Variants in GFM1 observed in about 807,000 individuals in gnomAD.
GFM1 encodes G elongation factor mitochondrial 1.
Under a neutral mutation model 96.2 loss-of-function variants are expected in GFM1, and 62 were observed. That is an observed-to-expected ratio of 0.64 (90% CI 0.53 to 0.80). GFM1 has a LOEUF of 0.80. GFM1 is among the 30% of genes least tolerant of loss of function. GFM1 has a pLI of 0.00. For synonymous variants in GFM1, 282 were observed against 312.9 expected (o/e 0.90, Z 1.04); for missense variants, 852 against 916.6 (o/e 0.93, Z 0.91).
intron 13 of GFM1, among the ~76,000 whole-genome samples, chr3:158,679,576 A>G (rs183397035): frequency 6.6e-6 from 1 of 152,310 alleles, no homozygotes; most frequent in African/African-American, 2.4e-5. Flanking sequence ...AAAGGATGAA[A>G]TGGTTAGTTC....
intron 8 of GFM1, among the ~76,000 whole-genome samples, chr3:158,655,483 C>CA (rs1722673329): frequency 9.3e-6 from 1 of 107,152 alleles, no homozygotes; most frequent in South Asian, 2.9e-4. Flanking sequence ...GACTTCATCT[C>CA]GGAAAAAAAA....
chr3:158,667,385 G>T (rs1484367292), intron 13 of GFM1, among the ~76,000 whole-genome samples: 1 of 152,198 alleles, frequency 6.6e-6, no homozygotes, highest in Non-Finnish European at 1.5e-5. Context: ...ATTTAAGAAT[G>T]CTCTGTGTTT....
In GFM1 at chr3:158,645,216, C is replaced by T. The variant is rs182016927; in HGVS notation, c.82-413C>T. Among the ~76,000 whole-genome samples the T allele has an allele frequency of 4.6e-5, 7 of 152,012 alleles. No homozygotes were observed. In the South Asian group the frequency reaches 6.2e-4, roughly 13 times the overall value. On this transcript the variant is annotated intron_variant, in intron 1 of 17. Transcript: ENST00000486715. Reference sequence around the variant, plus strand: ...CATCACTGCATAGAGCATATAAGTTCTCAAACATATTTGTCATCTGTGAAC... The same window carrying T: ...CATCACTGCATAGAGCATATAAGTTTTCAAACATATTTGTCATCTGTGAAC...
chr3:158,652,078 A>T lies in GFM1; in HGVS notation c.690-18A>T. On this transcript the variant is annotated intron_variant, in intron 5 of 17. Transcript: ENST00000486715. ...TAAGTTGAATATCCTTAAAGCACCAAAATATTTGCTTTCTTAGTCAGATTG... is the reference window on the plus strand; with the variant it reads ...TAAGTTGAATATCCTTAAAGCACCATAATATTTGCTTTCTTAGTCAGATTG... 1.2e-6 allele frequency: 2 copies of T among 1,612,738 alleles called. No individual in the cohort carries two copies. The highest frequency in any genetic ancestry group is 1.7e-6 in the Non-Finnish European group (2 of 1,178,734).
intron 9 of GFM1, 88 bp from the exon 10 acceptor site, chr3:158,660,786 A>G (rs1308948327): frequency 1.9e-6 from 2 of 1,049,734 alleles, no homozygotes; most frequent in Admixed American, 1.7e-5. Context: ...TTTATATACA[A>G]TGTGTGTACT....
Position 158,650,230 on chromosome 3 carries a change from G to T in GFM1, c.689+1073G>T, listed in dbSNP as rs985274424. 22 of 626,212 alleles carry T rather than the reference G, an allele frequency of 3.5e-5. No homozygotes were observed. In the African/African-American group the frequency reaches 3.7e-4, roughly 10 times the overall value. The allele number at this position is 626,212 out of a possible 1,614,324, so 38.8% of individuals were successfully genotyped here. A position where few individuals can be genotyped will look rare whatever the true frequency, so the allele number is the denominator to read the frequency against. On this transcript the variant is annotated intron_variant, in intron 5 of 17. Transcript: ENST00000486715. The stretch of plus-strand genomic sequence containing the variant: ...TACCTACCACTCCTTAGGATATAAG[G>T]CCCAGTAAGGCAGAGTTTTTGTTTT...
intron 4 of GFM1, among the ~76,000 whole-genome samples, chr3:158,647,444 A>T (rs966146): frequency 0.41 from 62,889 of 151,810 alleles, 14,119 homozygotes; most frequent in African/African-American, 0.6. Flanking sequence ...TAGTATTTAT[A>T]GCATTTTAAA....
chr3:158,666,220 C>G, intron 12 of GFM1, 84 bp from the exon 13 acceptor site: 1 of 878,474 alleles, frequency 1.1e-6, no homozygotes, highest in Non-Finnish European at 1.9e-6. Context: ...TAAGTGAATG[C>G]TACTAAGATA....
At chr3:158,646,394 C>A in intron 3 of GFM1, 97 bp downstream of exon 3, 1 of 1,261,698 alleles carries the variant, frequency 7.9e-7, no homozygotes, top group Non-Finnish European at 1.2e-6. Context: ...TTGTCAAATA[C>A]TCAAAAGTGT....
chr3:158,685,531 A>G (rs551295141), intron 15 of GFM1, among the ~76,000 whole-genome samples: 59 of 152,286 alleles, frequency 3.9e-4, no homozygotes, highest in Non-Finnish European at 7.4e-5. Flanking sequence ...GTAGATCAGG[A>G]TTTATTGATT....
At chr3:158,654,092 C>G (rs989037734) in intron 7 of GFM1, among the ~76,000 whole-genome samples, 1 of 150,948 alleles carries the variant, frequency 6.6e-6, no homozygotes, top group Non-Finnish European at 1.5e-5. Flanking sequence ...AAACAAACTG[C>G]AAAAGAAACT....
chr3:158,690,412 T>TCCTTGCTGA lies in GFM1; in HGVS notation c.2070+90_2070+98dup, dbSNP rs925437458. On this transcript the variant is annotated intron_variant, in intron 16 of 17. Coordinates refer to ENST00000486715, the MANE Select transcript of GFM1 (RefSeq NM_024996.7). ...TTTTGTTTTTGCAAATGGACACATTTCCTTGCTGAATTTGTGGCTTTATAC... is the reference window on the plus strand; with the variant it reads ...TTTTGTTTTTGCAAATGGACACATTTCCTTGCTGACCTTGCTGAATTTGTGGCTTTATAC... The TCCTTGCTGA allele has an allele frequency of 1.3e-5, 16 of 1,272,084 alleles. No individual in the cohort carries two copies. The Admixed American group carries it at 2.7e-4, about 21-fold the overall frequency. 78.8% of individuals were successfully genotyped at this position (1,272,084 alleles called of 1,614,324 possible). A position where few individuals can be genotyped will look rare whatever the true frequency, so the allele number is the denominator to read the frequency against.
chr3:158,680,294 A>G (rs921114054), intron 13 of GFM1, among the ~76,000 whole-genome samples: 2 of 152,150 alleles, frequency 1.3e-5, no homozygotes, highest in African/African-American at 4.8e-5. Context: ...CTCATCCCTC[A>G]ACCTCTCCCC....
In GFM1 at chr3:158,658,930, A is replaced by G. The variant is rs370321082; in HGVS notation, c.1092A>G (p.Arg364=). Reference sequence around the variant, plus strand: ...CCAATCTTGACTTCTAGGTAGGTCGATTTGGACAATTAACTTATGTTCGCA... The same window carrying G: ...CCAATCTTGACTTCTAGGTAGGTCGGTTTGGACAATTAACTTATGTTCGCA... The part of the protein sequence containing the change: ...VGLAFKLEVG[R]FGQLTYVRSY... The change falls in exon 9 of 18, where the codon CGA becomes CGG. Residue 364 remains arginine (R), a synonymous_variant. Transcript: ENST00000486715. 1 of 1,614,106 alleles carries G rather than the reference A, an allele frequency of 6.2e-7. No homozygotes were observed. The highest frequency in any genetic ancestry group is 8.5e-7 in the Non-Finnish European group (1 of 1,180,000).
At chr3:158,690,837 G>C (rs1726251340) in intron 16 of GFM1, among the ~76,000 whole-genome samples, 1 of 152,210 alleles carries the variant, frequency 6.6e-6, no homozygotes, top group African/African-American at 2.4e-5. Flanking sequence ...AAGCACTTCT[G>C]AGTGCTTGAG....
intron 15 of GFM1, among the ~76,000 whole-genome samples, chr3:158,686,269 AAT>A (rs1435810646): frequency 6.8e-6 from 1 of 148,076 alleles, no homozygotes; most frequent in African/African-American, 2.4e-5. Context: ...TAAAGTATAA[AAT>A]ATATATAAAC....
At chr3:158,674,479 C>T (rs1374731128) in intron 13 of GFM1, among the ~76,000 whole-genome samples, 1 of 152,124 alleles carries the variant, frequency 6.6e-6, no homozygotes, top group Non-Finnish European at 1.5e-5. Flanking sequence ...ACACTGTCTC[C>T]TGGGATAAAT....
At position 158,644,572 on chromosome 3, in the gene GFM1, T is replaced by A. The variant is rs978352242; in HGVS notation, c.-63T>A. ...CGGCGTGACTTTGACCGCTTCCCGG[T>A]GCGTTACCGGCAGCTGAACCCACCC... On this transcript the variant is annotated 5_prime_UTR_variant, in exon 1 of 18. Coordinates refer to ENST00000486715, the MANE Select transcript of GFM1 (RefSeq NM_024996.7). 1.2e-4 allele frequency: 167 copies of A among 1,370,486 alleles called. 1 individual carries two copies. Among genetic ancestry groups the A allele is most frequent in the Non-Finnish European group, 1.7e-4 (165 of 985,776 alleles). The allele number at this position is 1,370,486 out of a possible 1,614,324, so 84.9% of individuals were successfully genotyped here. A position where few individuals can be genotyped will look rare whatever the true frequency, so the allele number is the denominator to read the frequency against.
intron 3 of GFM1, 94 bp downstream of exon 3, chr3:158,646,391 A>G: frequency 7.6e-7 from 1 of 1,315,432 alleles, no homozygotes; most frequent in African/African-American, 1.5e-5. Flanking sequence ...TGATTGTCAA[A>G]TACTCAAAAG....
Sources: allele counts gnomAD v4.1 joint callset (sites outside exome capture counted in the v4.1 genomes callset), GRCh38; gene constraint gnomAD v4.1.1; transcripts MANE v1.5; gene names NCBI Gene and HGNC (gene_info 2026-07-23, HGNC 2026-07-21).